TNRC6B: variants seen among roughly 807,000 people sequenced by gnomAD.
TNRC6B encodes the protein trinucleotide repeat containing adaptor 6B, also known as trinucleotide repeat-containing gene 6B protein.
TNRC6B carries 52 observed loss-of-function variants against 203.6 expected under a neutral mutation model. The ratio of observed to expected loss-of-function variants is 0.26; its 90% CI spans 0.20 to 0.32. The LOEUF (loss-of-function observed/expected upper bound fraction) is 0.32. TNRC6B is among the 10% of genes least tolerant of loss of function. TNRC6B has a pLI of 1.00. For synonymous variants in TNRC6B, 838 were observed against 845.7 expected (o/e 0.99, Z 0.16); for missense variants, 1,923 against 2,286.2 (o/e 0.84, Z 3.24).
At chr22:40,109,965 C>T (rs1185890283) in intron 1 of TNRC6B, among the ~76,000 whole-genome samples, 1 of 152,154 alleles carries the variant, frequency 6.6e-6, no homozygotes, top group Non-Finnish European at 1.5e-5. Flanking sequence ...AATGATTATT[C>T]ATATTACTAT....
At chr22:40,139,204 C>A (rs1000305761) in intron 3 of TNRC6B, among the ~76,000 whole-genome samples, 1 of 152,096 alleles carries the variant, frequency 6.6e-6, no homozygotes, top group African/African-American at 2.4e-5. Context: ...TGTTTTCCTT[C>A]TGTGTGATGT....
intron 16 of TNRC6B, 97 bp downstream of exon 16, chr22:40,308,746 T>C: frequency 7.1e-7 from 1 of 1,402,098 alleles, no homozygotes; most frequent in East Asian, 2.3e-5. Context: ...TGGTATTCAT[T>C]TTCCTTGTGA....
chr22:40,195,044 A>G (rs1327572758), intron 1 of TNRC6B, among the ~76,000 whole-genome samples: 3 of 152,206 alleles, frequency 2.0e-5, no homozygotes, highest in Non-Finnish European at 4.4e-5. Flanking sequence ...GGCTTTGCAA[A>G]TGACACATGC....
intron 4 of TNRC6B, among the ~76,000 whole-genome samples, chr22:40,161,276 T>C (rs1294001498): frequency 1.3e-5 from 2 of 152,234 alleles, no homozygotes; most frequent in Admixed American, 1.3e-4. Context: ...GTTTTGTATA[T>C]GGTGTGAGGC....
chr22:40,220,120 C>T (rs559845695), intron 1 of TNRC6B, among the ~76,000 whole-genome samples: 1 of 152,240 alleles, frequency 6.6e-6, no homozygotes, highest in East Asian at 1.9e-4. Flanking sequence ...GGGGGTGGAG[C>T]TTCTCTAGGC....
At chr22:40,092,774 C>T (rs528483648) in intron 1 of TNRC6B, among the ~76,000 whole-genome samples, 86 of 152,330 alleles carry the variant, frequency 5.6e-4, no homozygotes, top group African/African-American at 1.9e-3. Context: ...GCCTTAGCTT[C>T]CAGAGTATCT....
intron 4 of TNRC6B, among the ~76,000 whole-genome samples, chr22:40,170,883 G>GTATA (rs1345942148): frequency 2.2e-5 from 3 of 133,522 alleles, no homozygotes; most frequent in Non-Finnish European, 3.1e-5. Flanking sequence ...ATATATGTGT[G>GTATA]TATACATATA....
intron 1 of TNRC6B, among the ~76,000 whole-genome samples, chr22:40,228,524 TC>T (rs1280353999): frequency 6.6e-6 from 1 of 151,744 alleles, no homozygotes; most frequent in African/African-American, 2.4e-5. Context: ...AGAAGCTGTT[TC>T]TTTTTTTTTT....
rs1337539855 is a variant in TNRC6B, at chr22:40,228,673, CCA to C, written c.6-17341_6-17340del. Reference sequence around the variant, plus strand: ...TAGCTGGGACTACAGGAGCCCGCCACCATGCCTGGCTAATTTTTTGTATTTTT... The same window carrying C: ...TAGCTGGGACTACAGGAGCCCGCCACTGCCTGGCTAATTTTTTGTATTTTT... On this transcript the variant is annotated intron_variant, in intron 1 of 22. Transcript: ENST00000454349. Among the ~76,000 whole-genome samples, 5 of 151,160 alleles carry C rather than the reference CCA, an allele frequency of 3.3e-5. No homozygotes were observed. The East Asian group carries it at 1.0e-3, about 30-fold the overall frequency.
At chr22:40,242,300 C>A (rs1444713963) in intron 1 of TNRC6B, among the ~76,000 whole-genome samples, 1 of 152,086 alleles carries the variant, frequency 6.6e-6, no homozygotes. Flanking sequence ...ATATTGGAAA[C>A]CATGAGTTCA....
rs1477201363 is a variant in TNRC6B at position 40,334,116 on chromosome 22, A to G, written c.*10875A>G. ...TTTTTCTATCAGTCTCTGATCCCTCATGGGTTCTGCCTGCCCTTGTATCTC... is the reference window on the plus strand; with the variant it reads ...TTTTTCTATCAGTCTCTGATCCCTCGTGGGTTCTGCCTGCCCTTGTATCTC... On this transcript the variant is annotated 3_prime_UTR_variant, in exon 23 of 23. Coordinates refer to ENST00000454349, the MANE Select transcript of TNRC6B (RefSeq NM_001162501.2). 1 of 152,546 alleles carries G rather than the reference A, an allele frequency of 6.6e-6. No individual in the cohort carries two copies. Among genetic ancestry groups the G allele is most frequent in the Non-Finnish European group, 1.5e-5 (1 of 68,058 alleles). 9.4% of individuals were successfully genotyped at this position (152,546 alleles called of 1,614,324 possible).
chr22:40,062,975 G>A (rs1484404745), intron 1 of TNRC6B, among the ~76,000 whole-genome samples: 1 of 149,628 alleles, frequency 6.7e-6, no homozygotes, highest in African/African-American at 2.5e-5. Context: ...TTTTGCTTTT[G>A]GCATATCTAT....
chr22:40,079,613 C>CT (rs1050674756), intron 1 of TNRC6B, among the ~76,000 whole-genome samples: 5 of 151,036 alleles, frequency 3.3e-5, no homozygotes, highest in Admixed American at 3.3e-4. Flanking sequence ...GCAGGTCTAA[C>CT]TTTATTTTTG....
upstream of TNRC6B, among the ~76,000 whole-genome samples, chr22:40,175,832 A>G (rs1384661571): frequency 6.6e-6 from 1 of 152,260 alleles, no homozygotes; most frequent in Non-Finnish European, 1.5e-5. Context: ...TTGTCCAGGC[A>G]TTGGCCTTTG....
At position 40,323,841 on chromosome 22, in the gene TNRC6B, G is replaced by A. The variant is rs1298047420; in HGVS notation, c.*600G>A. 6.6e-6 allele frequency: 1 copy of A among 152,470 alleles called. No individual in the cohort carries two copies. The highest frequency in any genetic ancestry group is 1.5e-5 in the Non-Finnish European group (1 of 68,472). 9.4% of individuals were successfully genotyped at this position (152,470 alleles called of 1,614,324 possible). A position where few individuals can be genotyped will look rare whatever the true frequency, so the allele number is the denominator to read the frequency against. ...TTGGCTGGTTGATAAATACCAGTGT[G>A]TTCTGGCACATGTAACTGCCCAGGC... On this transcript the variant is annotated 3_prime_UTR_variant, in exon 23 of 23. Transcript: ENST00000454349.
chr22:40,131,484 A>G (rs558597521), intron 3 of TNRC6B, among the ~76,000 whole-genome samples: 1 of 151,708 alleles, frequency 6.6e-6, no homozygotes, highest in Non-Finnish European at 1.5e-5. Context: ...ATTATAGATC[A>G]TTCCTGAATT....
At chr22:40,303,968 T>C (rs1320145429) in intron 15 of TNRC6B, among the ~76,000 whole-genome samples, 1 of 152,176 alleles carries the variant, frequency 6.6e-6, no homozygotes, top group Admixed American at 6.5e-5. Context: ...GAAGAATACA[T>C]TTTAGGTCTG....
intron 1 of TNRC6B, among the ~76,000 whole-genome samples, chr22:40,048,775 C>T (rs1704587978): frequency 6.6e-6 from 1 of 152,128 alleles, no homozygotes; most frequent in African/African-American, 2.4e-5. Context: ...TCCCTTGTCC[C>T]ATCCCTTTGT....
At chr22:40,180,169 A>G (rs1246909453) in intron 1 of TNRC6B, among the ~76,000 whole-genome samples, 2 of 152,218 alleles carry the variant, frequency 1.3e-5, no homozygotes, top group African/African-American at 4.8e-5. Flanking sequence ...ATTGTGGTAG[A>G]CCTAAAGGAA....
Sources: gnomAD v4.1 joint callset for allele counts (sites outside exome capture counted in the v4.1 genomes callset) on GRCh38, gnomAD v4.1.1 for gene constraint, MANE v1.5 for transcripts, NCBI Gene and HGNC (gene_info 2026-07-23, HGNC 2026-07-21) for gene names.